COL14A1: variants seen among roughly 807,000 people sequenced by gnomAD.
COL14A1 encodes the protein collagen alpha-1(XIV) chain.
Under a neutral mutation model 230.3 loss-of-function variants are expected in COL14A1, and 136 were observed. That is an observed-to-expected ratio of 0.59 (90% CI 0.51 to 0.68). COL14A1 has a LOEUF of 0.68. Ranked by LOEUF, COL14A1 falls within the 30% of genes least tolerant of loss-of-function variation. The pLI, the probability that COL14A1 is intolerant of heterozygous loss-of-function variation, is 0.00. For synonymous variants in COL14A1, 792 were observed against 784.1 expected, an observed-to-expected ratio of 1.01 and a Z score of -0.17; for missense variants, 1,976 against 2,215.8, an observed-to-expected ratio of 0.89 and a Z score of 2.17.
intron 8 of COL14A1, among the ~76,000 whole-genome samples, chr8:120,200,741 ATATATATATATATATATATATATATT>A (rs1451388293): frequency 7.0e-5 from 5 of 71,208 alleles, no homozygotes; most frequent in African/African-American, 9.7e-5. Context: ...ATATATATAT[ATATATATATATATATATATATATATT>A]ATTTTTCATC....
chr8:120,127,543 G>T (rs1026020962), intron 1 of COL14A1, among the ~76,000 whole-genome samples: 1 of 152,176 alleles, frequency 6.6e-6, no homozygotes, highest in Non-Finnish European at 1.5e-5. Context: ...GGCCCTCCAC[G>T]CATGTCTTGA....
chr8:120,130,090 C>T (rs1814479041), intron 1 of COL14A1, among the ~76,000 whole-genome samples: 1 of 152,196 alleles, frequency 6.6e-6, no homozygotes, highest in African/African-American at 2.4e-5. Context: ...AAACTGTTAC[C>T]TGCCTCTGAT....
intron 28 of COL14A1, 89 bp from the exon 29 acceptor site, chr8:120,279,846 A>T: frequency 7.0e-7 from 1 of 1,435,882 alleles, no homozygotes; most frequent in Non-Finnish European, 9.4e-7. Flanking sequence ...AAATAAACAT[A>T]TTTTAAACAG....
At chr8:120,299,765 C>G (rs1017943993) in intron 35 of COL14A1, among the ~76,000 whole-genome samples, 6 of 152,106 alleles carry the variant, frequency 3.9e-5, no homozygotes, top group African/African-American at 1.2e-4. Context: ...AAAGTATATA[C>G]ACCATGTAAC....
chr8:120,227,261 C>T lies in COL14A1; in HGVS notation c.2046C>T (p.Gly682=), dbSNP rs1818126941. 1 of 1,613,896 alleles carries T rather than the reference C, an allele frequency of 6.2e-7. No individual in the cohort carries two copies. Among genetic ancestry groups the T allele is most frequent in the South Asian group, 1.1e-5 (1 of 91,060 alleles). Residue 682 remains glycine, a synonymous_variant, in exon 17 of 48, where the codon GGC becomes GGT. Coordinates refer to ENST00000297848, the MANE Select transcript of COL14A1 (RefSeq NM_021110.4). ...KEEQDSHVIE[G]LEPGTEYEVS... ...AGCAGGACTCACATGTTATTGAAGG[C>T]CTGGAGCCCGGTACGGAGTATGAAG...
chr8:120,302,919 G>C (rs1326807950), intron 36 of COL14A1, among the ~76,000 whole-genome samples: 1 of 152,060 alleles, frequency 6.6e-6, no homozygotes, highest in Non-Finnish European at 1.5e-5. Flanking sequence ...ATTTCTTTGA[G>C]CAGTGTTATA....
At chr8:120,266,699 C>G (rs1210490377) in intron 24 of COL14A1, 128 bp from the exon 25 acceptor site, 4 of 754,676 alleles carry the variant, frequency 5.3e-6, no homozygotes, top group Non-Finnish European at 9.0e-6. Context: ...TTATAGTACT[C>G]ATTAAATTCT....
chr8:120,210,817 TG>T (rs775740511), intron 12 of COL14A1, among the ~76,000 whole-genome samples: 45 of 152,234 alleles, frequency 3.0e-4, no homozygotes, highest in Middle Eastern at 3.4e-3. Context: ...TGAATCTGAG[TG>T]TCAAGAACAG....
intron 42 of COL14A1, among the ~76,000 whole-genome samples, chr8:120,340,443 G>C (rs1425264051): frequency 6.6e-6 from 1 of 152,178 alleles, no homozygotes; most frequent in Non-Finnish European, 1.5e-5. Flanking sequence ...AAGATACCGA[G>C]TTTGGCTTGG....
At position 120,300,812 on chromosome 8, in the gene COL14A1, C is replaced by T; in HGVS notation, c.4395C>T (p.Gly1465=). Residue 1465 remains glycine (G), a synonymous_variant, in exon 36 of 48, where the codon GGC becomes GGT. Coordinates refer to ENST00000297848, the MANE Select transcript of COL14A1 (RefSeq NM_021110.4). ...ATGAAGTGGCTCTGGGACCAGCGGG[C>T]CCACCAGTAAGTCTTGCTGAGTTCA... is the stretch of plus-strand genomic sequence containing the variant. ...ETNEVALGPA[G]PPGGPGLRGP... is the part of the protein sequence containing the mutation. 6.2e-7 allele frequency: 1 copy of T among 1,612,890 alleles called. No individual in the cohort carries two copies. The highest frequency in any genetic ancestry group is 8.5e-7 in the Non-Finnish European group (1 of 1,179,130).
intron 5 of COL14A1, among the ~76,000 whole-genome samples, chr8:120,175,296 T>C (rs1233038748): frequency 6.6e-6 from 1 of 152,260 alleles, no homozygotes; most frequent in Non-Finnish European, 1.5e-5. Flanking sequence ...CCAAACAGCT[T>C]TCTTTAATCA....
At position 120,332,684 on chromosome 8, in the gene COL14A1, A is replaced by C; in HGVS notation, c.4734A>C (p.Gly1578=). Residue 1578 remains glycine (G), a synonymous_variant, in exon 42 of 48, where the codon GGA becomes GGC. Transcript: ENST00000297848. ...TCTAGGGCATTCCTGGCACCCCTGGAGTCCCAGGGATCACAGGAAGCATGG... is the reference window on the plus strand; with the variant it reads ...TCTAGGGCATTCCTGGCACCCCTGGCGTCCCAGGGATCACAGGAAGCATGG... The part of the protein sequence containing the change: ...PGPIGIPGTP[G]VPGITGSMGP... The C allele has an allele frequency of 6.2e-7, 1 of 1,613,296 alleles. No individual in the cohort carries two copies. The highest frequency in any genetic ancestry group is 8.5e-7 in the Non-Finnish European group (1 of 1,179,502).
intron 16 of COL14A1, 109 bp from the exon 17 acceptor site, chr8:120,227,111 C>G (rs1345192663): frequency 1.6e-6 from 2 of 1,261,628 alleles, no homozygotes; most frequent in East Asian, 2.5e-5. Context: ...ACTTCGACAG[C>G]CTTGGAGTTC....
intron 36 of COL14A1, among the ~76,000 whole-genome samples, chr8:120,305,521 CTTTATA>C (rs910624977): frequency 1.3e-5 from 2 of 151,982 alleles, no homozygotes; most frequent in Non-Finnish European, 2.9e-5. Flanking sequence ...ATTTCATTGT[CTTTATA>C]TTTATATTTT....
At chr8:120,290,308 A>G (rs1235172185) in intron 34 of COL14A1, among the ~76,000 whole-genome samples, 3 of 152,186 alleles carry the variant, frequency 2.0e-5, no homozygotes, top group African/African-American at 7.2e-5. Context: ...CCATTCTAAG[A>G]TAATATATTT....
At chr8:120,316,046 C>A (rs1392623096) in intron 40 of COL14A1, 49 bp downstream of exon 40, 2 of 1,572,634 alleles carry the variant, frequency 1.3e-6, no homozygotes, top group Non-Finnish European at 1.7e-6. Flanking sequence ...GACCTTTTCA[C>A]CAGGTCACTC....
intron 5 of COL14A1, among the ~76,000 whole-genome samples, chr8:120,173,535 T>G (rs1816160793): frequency 6.8e-6 from 1 of 146,860 alleles, no homozygotes. Context: ...TCTCTCATTC[T>G]CTCATTCTCT....
At chr8:120,300,902 G>A (rs767058951) in intron 36 of COL14A1, 84 bp downstream of exon 36, 18 of 1,036,596 alleles carry the variant, frequency 1.7e-5, no homozygotes, top group Non-Finnish European at 2.5e-5. Flanking sequence ...GTTGTCTACT[G>A]TACTAAATGG....
chr8:120,193,395 G>A (rs908528002), intron 5 of COL14A1, among the ~76,000 whole-genome samples: 6 of 152,274 alleles, frequency 3.9e-5, no homozygotes, highest in South Asian at 2.1e-4. Flanking sequence ...CTGTCTGATC[G>A]TTCCTCTGGA....
Sources: allele counts gnomAD v4.1 joint callset (sites outside exome capture counted in the v4.1 genomes callset), GRCh38; gene constraint gnomAD v4.1.1; transcripts MANE v1.5; gene names NCBI Gene and HGNC (gene_info 2026-07-23, HGNC 2026-07-21).